SH3PXD2A: variants seen among roughly 807,000 people sequenced by gnomAD.
SH3PXD2A encodes the protein SH3 and PX domains 2A.
SH3PXD2A carries 32 observed loss-of-function variants against 115.2 expected under a neutral mutation model. That is an observed-to-expected ratio of 0.28 (90% CI 0.21 to 0.37). The LOEUF (loss-of-function observed/expected upper bound fraction) is 0.37. Among genes scored for constraint, SH3PXD2A ranks in the 10% least tolerant of loss-of-function variants. The pLI, the probability that SH3PXD2A is intolerant of heterozygous loss-of-function variation, is 1.00. For missense variants in SH3PXD2A, 1,328 were observed against 1,498.7 expected, an observed-to-expected ratio of 0.89 and a Z score of 1.88; for synonymous variants, 610 against 629.1, an observed-to-expected ratio of 0.97 and a Z score of 0.45.
intron 3 of SH3PXD2A, among the ~76,000 whole-genome samples, chr10:103,763,844 A>G (rs911831079): frequency 1.3e-5 from 2 of 152,222 alleles, no homozygotes; most frequent in South Asian, 4.1e-4. Context: ...GGGCTATAAA[A>G]GCTGTCCCCT....
rs371881719 is a variant in SH3PXD2A, at chr10:103,719,705, C to T, written c.398+4565G>A. Among the ~76,000 whole-genome samples, 1,018 of 136,414 alleles carry T rather than the reference C, an allele frequency of 7.5e-3. 10 individuals carry two copies. Among genetic ancestry groups the T allele is most frequent in the African/African-American group, 0.027 (970 of 36,558 alleles). 89.5% of individuals were successfully genotyped at this position (136,414 alleles called of 152,430 possible). ...TTCTTACACTAGGTAATTTCTTTTT[C>T]TTTTTTTTTTTCTTTCTTTTTTTTT... On this transcript the variant is annotated intron_variant, in intron 5 of 14. Coordinates refer to ENST00000369774, the MANE Select transcript of SH3PXD2A (RefSeq NM_001394015.1).
intron 5 of SH3PXD2A, among the ~76,000 whole-genome samples, chr10:103,714,323 C>G (rs1430501178): frequency 6.6e-6 from 1 of 152,192 alleles, no homozygotes; most frequent in African/African-American, 2.4e-5. Flanking sequence ...ATGGGGGACC[C>G]AGTCTACCCC....
At chr10:103,762,082 G>A (rs969109834) in intron 3 of SH3PXD2A, among the ~76,000 whole-genome samples, 1 of 143,886 alleles carries the variant, frequency 6.9e-6, no homozygotes, top group African/African-American at 2.6e-5. Context: ...GAGTGCAGTG[G>A]CACAATCTTG....
At chr10:103,809,223 T>C (rs1301814380) in intron 1 of SH3PXD2A, among the ~76,000 whole-genome samples, 2 of 152,082 alleles carry the variant, frequency 1.3e-5, no homozygotes, top group Non-Finnish European at 2.9e-5. Flanking sequence ...GAAGCCTGGA[T>C]GTAGTGGAGG....
At chr10:103,854,629 A>G (rs779364810) in intron 1 of SH3PXD2A, among the ~76,000 whole-genome samples, 2 of 152,214 alleles carry the variant, frequency 1.3e-5, no homozygotes, top group Non-Finnish European at 2.9e-5. Context: ...TTCTCCTCAC[A>G]CCGACGGACA....
At chr10:103,711,767 T>C (rs1266701794) in intron 5 of SH3PXD2A, among the ~76,000 whole-genome samples, 1 of 152,114 alleles carries the variant, frequency 6.6e-6, no homozygotes, top group Non-Finnish European at 1.5e-5. Flanking sequence ...AAAATGTCCC[T>C]CTGGTGGCCA....
rs2036454028 is a variant in SH3PXD2A, at chr10:103,613,144, CCTT to C, written c.964_966del (p.Lys322del). 1 of 1,611,904 alleles carries C rather than the reference CCTT, an allele frequency of 6.2e-7. No homozygotes were observed. The highest frequency in any genetic ancestry group is 8.5e-7 in the Non-Finnish European group (1 of 1,179,272). On this transcript the variant is annotated inframe_deletion, in exon 12 of 15. Transcript: ENST00000369774. ...TTCCGGGTTGGCAGGTCATCCTTGG[CCTT>C]CTTCAGGTAGGATGCTGGCGCCCAG...
chr10:103,801,285 C>T lies in SH3PXD2A; in HGVS notation c.150G>A (p.Leu50=), dbSNP rs756158536. 4 of 1,602,360 alleles carry T rather than the reference C, an allele frequency of 2.5e-6. No individual in the cohort carries two copies. In the Admixed American group the frequency reaches 5.0e-5, roughly 20 times the overall value. The part of the protein sequence containing the change: ...IYRRYSKFFD[L]QMQLLDKFPI... ...GTCCGAGCTCTGACAAACTCACCTGCAGGTCAAAGAACTTGCTGTACCTCC... is the reference window on the plus strand; with the variant it reads ...GTCCGAGCTCTGACAAACTCACCTGTAGGTCAAAGAACTTGCTGTACCTCC... Residue 50 remains leucine, a synonymous_variant, in exon 2 of 15, where the codon CTG becomes CTA. Coordinates refer to ENST00000369774, the MANE Select transcript of SH3PXD2A (RefSeq NM_001394015.1).
At chr10:103,732,060 C>A (rs1034313672) in intron 4 of SH3PXD2A, among the ~76,000 whole-genome samples, 2 of 152,132 alleles carry the variant, frequency 1.3e-5, no homozygotes, top group African/African-American at 4.8e-5. Flanking sequence ...AAATTCTAGT[C>A]GTACCAACCA....
intron 3 of SH3PXD2A, among the ~76,000 whole-genome samples, chr10:103,743,559 T>C (rs1035789098): frequency 1.4e-4 from 22 of 152,082 alleles, no homozygotes; most frequent in African/African-American, 5.3e-4. Context: ...TTTATAGTGA[T>C]GGGGTCTTGT....
At chr10:103,799,667 A>T (rs1441553890) in intron 2 of SH3PXD2A, among the ~76,000 whole-genome samples, 2 of 152,230 alleles carry the variant, frequency 1.3e-5, no homozygotes, top group Non-Finnish European at 1.5e-5. Flanking sequence ...GGAAGTTTCC[A>T]CTGGCTTTCA....
At chr10:103,616,022 G>C (rs2036512705) in intron 11 of SH3PXD2A, among the ~76,000 whole-genome samples, 1 of 151,142 alleles carries the variant, frequency 6.6e-6, no homozygotes, top group Admixed American at 6.6e-5. Context: ...AGGGCTCCGG[G>C]GTGGGGCGGG....
At chr10:103,814,418 G>A (rs1363007719) in intron 1 of SH3PXD2A, among the ~76,000 whole-genome samples, 1 of 152,240 alleles carries the variant, frequency 6.6e-6, no homozygotes, top group Non-Finnish European at 1.5e-5. Context: ...CTGTCAAAAT[G>A]TGAAGTTCAA....
chr10:103,835,084 G>A (rs2039519385), intron 1 of SH3PXD2A, among the ~76,000 whole-genome samples: 1 of 152,208 alleles, frequency 6.6e-6, no homozygotes, highest in Non-Finnish European at 1.5e-5. Flanking sequence ...GGCCCTTTAA[G>A]GTTCTTGGGG....
intron 1 of SH3PXD2A, among the ~76,000 whole-genome samples, chr10:103,801,853 G>A (rs2039151019): frequency 6.6e-6 from 1 of 152,124 alleles, no homozygotes; most frequent in Admixed American, 6.6e-5. Flanking sequence ...ACAGGTGCCT[G>A]CCACCATGCC....
chr10:103,706,941 T>G lies in SH3PXD2A; in HGVS notation c.399-13885A>C, dbSNP rs551180183. On this transcript the variant is annotated intron_variant, in intron 5 of 14. Coordinates refer to ENST00000369774, the MANE Select transcript of SH3PXD2A (RefSeq NM_001394015.1). Reference sequence around the variant, plus strand: ...GGAATGGCAGCAGCCCGCGGCCTCCTGTGCTCCGTCCTCTGTGACATCACC... The same window carrying G: ...GGAATGGCAGCAGCCCGCGGCCTCCGGTGCTCCGTCCTCTGTGACATCACC... Among the ~76,000 whole-genome samples the G allele has an allele frequency of 2.6e-5, 4 of 152,336 alleles. No individual in the cohort carries two copies. In the South Asian group the frequency reaches 8.3e-4, roughly 32 times the overall value.
chr10:103,798,074 T>C lies in SH3PXD2A; in HGVS notation c.153+3208A>G, dbSNP rs1378654939. ...AACCCGAGGCCGCCTCGTGGGTGCC[T>C]GGCCTTCGGGAACAAAGGAAAACAT... On this transcript the variant is annotated intron_variant, in intron 2 of 14. Transcript: ENST00000369774. Among the ~76,000 whole-genome samples the C allele has an allele frequency of 5.3e-5, 8 of 151,992 alleles. No homozygotes were observed. The South Asian group carries it at 1.7e-3, about 32-fold the overall frequency.
Position 103,668,600 on chromosome 10 carries a change from G to A in SH3PXD2A, c.472+8C>T. 2 of 1,553,148 alleles carry A rather than the reference G, an allele frequency of 1.3e-6. No homozygotes were observed. The highest frequency in any genetic ancestry group is 2.4e-5 in the South Asian group (2 of 84,202). The stretch of plus-strand genomic sequence containing the variant: ...TGCTCACACACATGCATGCACGCTG[G>A]GCAGTACCTGTCACGTCCTTCTTGG... On this transcript the variant is annotated splice_region_variant and intron_variant, in intron 7 of 14. Transcript: ENST00000369774.
intron 10 of SH3PXD2A, among the ~76,000 whole-genome samples, chr10:103,619,704 GGGGGCAGAACCA>G (rs2036574875): frequency 1.3e-5 from 2 of 152,338 alleles, no homozygotes; most frequent in South Asian, 4.1e-4. Flanking sequence ...TCTTGGGGGT[GGGGGCAGAACCA>G]GGGATATCAG....
Sources: gnomAD v4.1 joint callset for allele counts (sites outside exome capture counted in the v4.1 genomes callset) on GRCh38, gnomAD v4.1.1 for gene constraint, MANE v1.5 for transcripts, NCBI Gene and HGNC (gene_info 2026-07-23, HGNC 2026-07-21) for gene names.